BCO1: variants seen among roughly 807,000 people sequenced by gnomAD.
BCO1 encodes the protein beta,beta-carotene 15,15'-dioxygenase.
Under a neutral mutation model 56.3 loss-of-function variants are expected in BCO1, and 54 were observed. That is an observed-to-expected ratio of 0.96 (90% CI 0.77 to 1.20). BCO1 has a LOEUF of 1.20. Among genes scored for constraint, BCO1 ranks in the 50% most tolerant of loss-of-function variants. The pLI is 0.00. For missense variants in BCO1, 801 were observed against 690.9 expected (o/e 1.16, Z -1.79); for synonymous variants, 318 against 266.1 (o/e 1.20, Z -1.90).
rs192915803 is a variant in BCO1, at chr16:81,257,673, C to G, written c.194-2003C>G. ...GGTGGGTCTCCTGTGGTCAGGAGTT[C>G]GAGACCAGTCTGACCAACATGGCAA... On this transcript the variant is annotated intron_variant, in intron 2 of 10. Transcript: ENST00000258168. Among the ~76,000 whole-genome samples the G allele has an allele frequency of 3.7e-3, 559 of 151,768 alleles. 1 individual carries two copies. Among genetic ancestry groups the G allele is most frequent in the Non-Finnish European group, 6.5e-3 (444 of 67,900 alleles).
Position 81,262,202 on chromosome 16 carries a change from G to A in BCO1, c.390G>A (p.Lys130=), listed in dbSNP as rs370355631. 6.2e-7 allele frequency: 1 copy of A among 1,613,826 alleles called. No homozygotes were observed. The highest frequency in any genetic ancestry group is 8.5e-7 in the Non-Finnish European group (1 of 1,179,788). ...ACAACTGCCTGATCAACATCATGAA[G>A]TGCGGAGAAGACTTCTACGCGACCT... ...FTDNCLINIM[K]CGEDFYATSE... Residue 130 remains lysine (K), a synonymous_variant, in exon 4 of 11, where the codon AAG becomes AAA. Coordinates refer to ENST00000258168, the MANE Select transcript of BCO1 (RefSeq NM_017429.3).
intron 8 of BCO1, among the ~76,000 whole-genome samples, chr16:81,283,961 G>A (rs1182402242): frequency 4.0e-5 from 6 of 151,854 alleles, no homozygotes; most frequent in South Asian, 2.1e-4. Flanking sequence ...TGAGACGGGC[G>A]GATCATGAGG....
At position 81,240,444 on chromosome 16, in the gene BCO1, G is replaced by A. The variant is rs543829776; in HGVS notation, c.64+1472G>A. Among the ~76,000 whole-genome samples, 26 of 152,070 alleles carry A rather than the reference G, an allele frequency of 1.7e-4. No homozygotes were observed. In the East Asian group the frequency reaches 3.5e-3, roughly 20 times the overall value. ...CCCACGGCCAGGTGCGGTGGCTCACGCCTGTGGTCCCAGCACTTTCGGAGG... is the reference window on the plus strand; with the variant it reads ...CCCACGGCCAGGTGCGGTGGCTCACACCTGTGGTCCCAGCACTTTCGGAGG... On this transcript the variant is annotated intron_variant, in intron 1 of 10. Transcript: ENST00000258168.
intron 2 of BCO1, among the ~76,000 whole-genome samples, chr16:81,252,445 G>A (rs1375855175): frequency 6.6e-6 from 1 of 152,026 alleles, no homozygotes; most frequent in Non-Finnish European, 1.5e-5. Flanking sequence ...CAGTAGAGAC[G>A]GGGTTTCACC....
chr16:81,273,429 C>A (rs554710424), intron 7 of BCO1, among the ~76,000 whole-genome samples: 1 of 152,246 alleles, frequency 6.6e-6, no homozygotes, highest in East Asian at 1.9e-4. Flanking sequence ...GAGCCTTTTC[C>A]CACCCTTACC....
At chr16:81,283,635 G>C (rs1908005208) in intron 8 of BCO1, among the ~76,000 whole-genome samples, 1 of 152,138 alleles carries the variant, frequency 6.6e-6, no homozygotes. Flanking sequence ...ATCTGGGCCT[G>C]TCCCTTGGAA....
chr16:81,245,464 T>G lies in BCO1; in HGVS notation c.65-11T>G. 2 of 1,614,202 alleles carry G rather than the reference T, an allele frequency of 1.2e-6. No individual in the cohort carries two copies. The highest frequency in any genetic ancestry group is 1.7e-6 in the Non-Finnish European group (2 of 1,180,038). On this transcript the variant is annotated splice_polypyrimidine_tract_variant and intron_variant, in intron 1 of 10. Transcript: ENST00000258168. ...TGGAAACGGGAAACTAAACATTCTC[T>G]CTTTTCTCAGGCAAGATTCCAGCAT...
intron 3 of BCO1, among the ~76,000 whole-genome samples, chr16:81,261,031 C>T (rs1906451602): frequency 6.6e-6 from 1 of 152,170 alleles, no homozygotes; most frequent in South Asian, 2.1e-4. Context: ...ATTCCAGTAT[C>T]CAGCTCTAGG....
chr16:81,270,227 G>T lies in BCO1; in HGVS notation c.912G>T (p.Met304Ile), dbSNP rs1365511380. 9 of 1,614,196 alleles carry T rather than the reference G, an allele frequency of 5.6e-6. No individual in the cohort carries two copies. Among genetic ancestry groups the T allele is most frequent in the Non-Finnish European group, 7.6e-6 (9 of 1,180,042 alleles). Residue 304 changes from methionine (M) to isoleucine (I), a missense_variant, in exon 7 of 11, where the codon ATG becomes ATT. Met to Ile is a conservative substitution (Grantham distance 10). Transcript: ENST00000258168. ...AGACCAAGTTTTACACAGACGCCATGGTGGTCTTCCATCACGTCAACGCCT... is the reference window on the plus strand; with the variant it reads ...AGACCAAGTTTTACACAGACGCCATTGTGGTCTTCCATCACGTCAACGCCT... ...PVQTKFYTDA[M>I]VVFHHVNAYE...
At chr16:81,270,686 C>CTGTGTGTGTG (rs762227797) in intron 7 of BCO1, among the ~76,000 whole-genome samples, 18 of 29,612 alleles carry the variant, frequency 6.1e-4, no homozygotes, top group Admixed American at 1.4e-3. Flanking sequence ...GTCTCTCTCT[C>CTGTGTGTGTG]TGTGTCTGTG....
chr16:81,272,739 T>C (rs1392611729), intron 7 of BCO1, among the ~76,000 whole-genome samples: 2 of 152,264 alleles, frequency 1.3e-5, no homozygotes, highest in Non-Finnish European at 2.9e-5. Flanking sequence ...TAAATGTTGA[T>C]GGCTTACATT....
intron 5 of BCO1, among the ~76,000 whole-genome samples, chr16:81,267,180 G>C (rs1906880546): frequency 1.3e-5 from 2 of 152,190 alleles, no homozygotes; most frequent in Admixed American, 6.5e-5. Flanking sequence ...TAAAAGAGGA[G>C]GAAGGCGAAG....
intron 5 of BCO1, among the ~76,000 whole-genome samples, chr16:81,265,216 C>CGGA (rs777759807): frequency 3.2e-4 from 49 of 150,904 alleles, no homozygotes; most frequent in South Asian, 1.0e-3. Context: ...ACCCATCCAC[C>CGGA]ATCCGTCCAC....
In BCO1 at chr16:81,290,473, C is replaced by A; in HGVS notation, c.1540C>A (p.His514Asn). The A allele has an allele frequency of 6.2e-7, 1 of 1,614,180 alleles. No homozygotes were observed. Among genetic ancestry groups the A allele is most frequent in the Non-Finnish European group, 8.5e-7 (1 of 1,180,046 alleles). Reference sequence around the variant, plus strand: ...TGATGTCGATATGCACATGGATCTCCATGGATTATTCATTACAGACATGGA... The same window carrying A: ...TGATGTCGATATGCACATGGATCTCAATGGATTATTCATTACAGACATGGA... ...SVDVDMHMDL[H>N]GLFITDMDWD... Residue 514 changes from histidine to asparagine, a missense_variant, in exon 11 of 11, where the codon CAT (histidine) becomes AAT (asparagine). Physicochemically the swap from His to Asn is moderately conservative, Grantham distance 68. Transcript: ENST00000258168.
chr16:81,283,647 T>C (rs1177289480), intron 8 of BCO1, among the ~76,000 whole-genome samples: 1 of 152,020 alleles, frequency 6.6e-6, no homozygotes, highest in South Asian at 2.1e-4. Flanking sequence ...CCCTTGGAAG[T>C]TTCATGCTTT....
chr16:81,287,490 C>G, intron 10 of BCO1, 84 bp downstream of exon 10: 4 of 1,051,622 alleles, frequency 3.8e-6, no homozygotes, highest in Non-Finnish European at 5.9e-6. Context: ...GGGCAGCTGA[C>G]CCCCCCAGGT....
chr16:81,250,578 CTTT>C (rs530676028), intron 2 of BCO1, among the ~76,000 whole-genome samples: 4 of 105,468 alleles, frequency 3.8e-5, no homozygotes. Flanking sequence ...CTCAATAAAG[CTTT>C]TTTTTTTTTT....
At position 81,259,368 on chromosome 16, in the gene BCO1, C is replaced by A. The variant is rs1362830486; in HGVS notation, c.194-308C>A. On this transcript the variant is annotated intron_variant, in intron 2 of 10. Coordinates refer to ENST00000258168, the MANE Select transcript of BCO1 (RefSeq NM_017429.3). The stretch of plus-strand genomic sequence containing the variant: ...AATTTGCTGGTCGTGGTGGCGCATG[C>A]CTATAATCCTAGCCACTCAGGAGGC... 2.0e-5 allele frequency among the ~76,000 whole-genome samples: 3 copies of A among 152,046 alleles called. No homozygotes were observed. The East Asian group carries it at 5.8e-4, about 29-fold the overall frequency.
At chr16:81,239,220 T>C (rs557482948) in intron 1 of BCO1, among the ~76,000 whole-genome samples, 2 of 152,098 alleles carry the variant, frequency 1.3e-5, no homozygotes, top group East Asian at 3.9e-4. Context: ...TTTCAGCATG[T>C]TGGCCAGGCT....
Sources: gnomAD v4.1 joint callset for allele counts (sites outside exome capture counted in the v4.1 genomes callset) on GRCh38, gnomAD v4.1.1 for gene constraint, MANE v1.5 for transcripts, NCBI Gene and HGNC (gene_info 2026-07-23, HGNC 2026-07-21) for gene names.